ABCA4: variants seen among roughly 807,000 people sequenced by gnomAD.
ABCA4 encodes the protein ATP binding cassette subfamily A member 4, also known as retinal-specific phospholipid-transporting ATPase ABCA4.
In ABCA4, 196 loss-of-function variants were observed where a neutral mutation model predicts 263.7. The observed-to-expected ratio is 0.74, with a 90% CI of 0.66 to 0.84. The LOEUF (loss-of-function observed/expected upper bound fraction) is 0.84, where lower values mean the gene tolerates loss of function less well. ABCA4 is among the 40% of genes least tolerant of loss of function. ABCA4 has a pLI of 0.00. For synonymous variants in ABCA4, 1,133 were observed against 1,094.2 expected (o/e 1.04, Z -0.70); for missense variants, 2,792 against 2,855.1 (o/e 0.98, Z 0.50).
At chr1:94,114,959 A>G (rs947557135) in intron 1 of ABCA4, among the ~76,000 whole-genome samples, 1 of 152,188 alleles carries the variant, frequency 6.6e-6, no homozygotes, top group Admixed American at 6.5e-5. Context: ...CCCAATAAAT[A>G]TCCACGGAAT....
At position 94,008,399 on chromosome 1, in the gene ABCA4, G is replaced by GCACTA. The variant is rs1167082094; in HGVS notation, c.5836-107_5836-103dup. 7 of 1,180,274 alleles carry GCACTA rather than the reference G, an allele frequency of 5.9e-6. No homozygotes were observed. The East Asian group carries it at 1.6e-4, about 28-fold the overall frequency. The allele number at this position is 1,180,274 out of a possible 1,614,324, so 73.1% of individuals were successfully genotyped here. A position where few individuals can be genotyped will look rare whatever the true frequency, so the allele number is the denominator to read the frequency against. ...AGGATGGTTTAGGAGAAAACTACCAGCACTAGGAGGTTACATATTGACATG... is the reference window on the plus strand; with the variant it reads ...AGGATGGTTTAGGAGAAAACTACCAGCACTACACTAGGAGGTTACATATTGACATG... On this transcript the variant is annotated intron_variant, in intron 41 of 49. Coordinates refer to ENST00000370225, the MANE Select transcript of ABCA4 (RefSeq NM_000350.3).
rs559446459 is a variant in ABCA4 at position 94,090,707 on chromosome 1, A to G, written c.769-7266T>C. Among the ~76,000 whole-genome samples, 182 of 152,044 alleles carry G rather than the reference A, an allele frequency of 1.2e-3. 1 individual carries two copies. The highest frequency in any genetic ancestry group is 2.4e-3 in the Non-Finnish European group (163 of 67,996). ...TATCTATCTCTCCACTAGACTGTAA[A>G]CTCATTAAGCATAGGAATAGGTTTT... On this transcript the variant is annotated intron_variant, in intron 6 of 49. Transcript: ENST00000370225.
chr1:94,120,905 A>ACCCCCCCCCCCCC, intron 1 of ABCA4, 75 bp downstream of exon 1: 1 of 146,894 alleles, frequency 6.8e-6, no homozygotes, highest in Non-Finnish European at 1.3e-5. Flanking sequence ...ACCCTACCCC[A>ACCCCCCCCCCCCC]CCACCCCACC....
intron 17 of ABCA4, among the ~76,000 whole-genome samples, chr1:94,051,192 C>G (rs542161741): frequency 2.0e-5 from 3 of 152,230 alleles, no homozygotes; most frequent in African/African-American, 7.2e-5. Context: ...GAGTCTTCAT[C>G]TTGGGAGAAT....
chr1:94,103,270 T>C, intron 4 of ABCA4, 128 bp from the exon 5 acceptor site: 1 of 1,186,064 alleles, frequency 8.4e-7, no homozygotes, highest in Non-Finnish European at 1.2e-6. Context: ...TTGGGGTCTC[T>C]GGGAGCCCCT....
chr1:94,038,527 C>T (rs879274772), intron 24 of ABCA4, among the ~76,000 whole-genome samples: 10 of 152,246 alleles, frequency 6.6e-5, no homozygotes, highest in African/African-American at 1.2e-4. Flanking sequence ...TCTGCCTAGC[C>T]GGATTGGAAG....
Position 94,043,335 on chromosome 1 carries a change from C to T in ABCA4, c.3190+1G>A. On this transcript the variant is annotated splice_donor_variant, in intron 21 of 49. Coordinates refer to ENST00000370225, the MANE Select transcript of ABCA4 (RefSeq NM_000350.3). LOFTEE classifies it high-confidence loss of function. ...CCCTGTCTCCATCCAGCTCTGAGCA[C>T]CTGATAGGTCCTGAGCCTCTTCATT... 2 of 1,614,084 alleles carry T rather than the reference C, an allele frequency of 1.2e-6. No individual in the cohort carries two copies. Among genetic ancestry groups the T allele is most frequent in the Non-Finnish European group, 1.7e-6 (2 of 1,179,978 alleles).
In ABCA4 at chr1:94,103,054, C is replaced by T; in HGVS notation, c.531G>A (p.Val177=). ...CTTGAGAGTTGATCAGAAGGTAGACCACTGAGTCAGACAGGCCGATGTTTT... is the reference window on the plus strand; with the variant it reads ...CTTGAGAGTTGATCAGAAGGTAGACTACTGAGTCAGACAGGCCGATGTTTT... ...LIKNIGLSDS[V]VYLLINSQVR... The change falls in exon 5 of 50, where the codon GTG becomes GTA. Residue 177 remains valine (V), a synonymous_variant. Coordinates refer to ENST00000370225, the MANE Select transcript of ABCA4 (RefSeq NM_000350.3). 1.2e-6 allele frequency: 2 copies of T among 1,614,176 alleles called. No homozygotes were observed. Among genetic ancestry groups the T allele is most frequent in the Non-Finnish European group, 1.7e-6 (2 of 1,180,030 alleles).
At chr1:94,037,051 T>C (rs144619669) in intron 25 of ABCA4, 94 bp downstream of exon 25, 41 of 1,368,014 alleles carry the variant, frequency 3.0e-5, no homozygotes, top group African/African-American at 4.3e-5. Context: ...ACGATGGCTT[T>C]TTGCTTTTAC....
At chr1:94,001,141 G>T (rs766984523) in intron 45 of ABCA4, 36 bp from the exon 46 acceptor site, 1 of 1,554,436 alleles carries the variant, frequency 6.4e-7, no homozygotes, top group South Asian at 1.1e-5. Flanking sequence ...GCACAGGCTG[G>T]GAGCTGGCCC....
chr1:94,037,047 G>A, intron 25 of ABCA4, 98 bp downstream of exon 25: 1 of 1,315,238 alleles, frequency 7.6e-7, no homozygotes, highest in Admixed American at 1.7e-5. Context: ...GGGAACGATG[G>A]CTTTTTGCTT....
chr1:94,120,400 C>T (rs74563352), intron 1 of ABCA4, among the ~76,000 whole-genome samples: 215 of 152,228 alleles, frequency 1.4e-3, no homozygotes, highest in African/African-American at 4.9e-3. Context: ...GAATCTAGGA[C>T]GCAGTCAATT....
intron 1 of ABCA4, 70 bp downstream of exon 1, chr1:94,120,910 C>A (rs1183403198): frequency 1.7e-6 from 2 of 1,144,976 alleles, no homozygotes; most frequent in Non-Finnish European, 2.6e-6. Flanking sequence ...ACCCCACCAC[C>A]CCACCCCACA....
rs750721834 is a variant in ABCA4 at position 94,083,422 on chromosome 1, C to G, written c.788G>C (p.Ser263Thr). The G allele has an allele frequency of 6.2e-7, 1 of 1,613,576 alleles. No homozygotes were observed. The highest frequency in any genetic ancestry group is 8.5e-7 in the Non-Finnish European group (1 of 1,179,778). ...TCTCAGATTGATACCTTGAGAACGG[C>G]TGTCTAGGAGTGTGGGAAGCTGTAA... ...LFRVLPTLLD[S>T]RSQGINLRSW... Residue 263 changes from serine (S) to threonine (T), a missense_variant, in exon 7 of 50, where the codon AGC becomes ACC. Ser to Thr is a moderately conservative substitution (Grantham distance 58, BLOSUM62 1). Coordinates refer to ENST00000370225, the MANE Select transcript of ABCA4 (RefSeq NM_000350.3).
intron 11 of ABCA4, among the ~76,000 whole-genome samples, chr1:94,069,684 T>C (rs1661355976): frequency 6.6e-6 from 1 of 152,226 alleles, no homozygotes; most frequent in African/African-American, 2.4e-5. Context: ...TCAAGATTTA[T>C]TTCCCACTAC....
intron 6 of ABCA4, 72 bp downstream of exon 6, chr1:94,098,722 A>T (rs1264906825): frequency 2.3e-5 from 36 of 1,559,310 alleles, no homozygotes; most frequent in Admixed American, 3.4e-5. Flanking sequence ...GCCCTCCCCA[A>T]GGTCAATTCG....
At chr1:94,022,019 GT>G in intron 32 of ABCA4, 68 bp from the exon 33 acceptor site, 1 of 1,320,034 alleles carries the variant, frequency 7.6e-7, no homozygotes, top group Non-Finnish European at 1.1e-6. Context: ...GCTCTCTCGG[GT>G]TTTGTAGGGA....
intron 11 of ABCA4, among the ~76,000 whole-genome samples, chr1:94,073,752 T>C (rs1466516519): frequency 6.6e-6 from 1 of 152,162 alleles, no homozygotes; most frequent in Non-Finnish European, 1.5e-5. Context: ...AACAAGCTGC[T>C]TGGAAAAAAT....
intron 19 of ABCA4, among the ~76,000 whole-genome samples, chr1:94,046,280 TAAAAAA>T (rs11289565): frequency 7.8e-5 from 6 of 77,062 alleles, no homozygotes; most frequent in Admixed American, 1.6e-4. Flanking sequence ...CTGTCTGTAC[TAAAAAA>T]AAAAAAAAAA....
Sources: gnomAD v4.1 joint callset for allele counts (sites outside exome capture counted in the v4.1 genomes callset) on GRCh38, gnomAD v4.1.1 for gene constraint, MANE v1.5 for transcripts, NCBI Gene and HGNC (gene_info 2026-07-23, HGNC 2026-07-21) for gene names.